The following SIRPB1 variants were observed in gnomAD, a reference collection of about 807,000 sequenced individuals.
SIRPB1 encodes the protein signal-regulatory protein beta-1.
In SIRPB1, 28 loss-of-function variants were observed where a neutral mutation model predicts 34.1. The ratio of observed to expected loss-of-function variants is 0.82; its 90% CI spans 0.61 to 1.12. SIRPB1 has a LOEUF of 1.12. Ranked by LOEUF, SIRPB1 falls within the 50% of genes most tolerant of loss-of-function variation. SIRPB1 has a pLI of 0.00. For missense variants in SIRPB1, 499 were observed against 507.0 expected, an observed-to-expected ratio of 0.98 and a Z score of 0.15; for synonymous variants, 211 against 203.8, an observed-to-expected ratio of 1.04 and a Z score of -0.30.
intron 1 of SIRPB1, among the ~76,000 whole-genome samples, chr20:1,617,567 T>C (rs2091648129): frequency 6.6e-6 from 1 of 152,214 alleles, no homozygotes; most frequent in South Asian, 2.1e-4. Flanking sequence ...GGTCAAAGGA[T>C]ACAAAATTTC....
Position 1,576,676 on chromosome 20 carries a change from G to A in SIRPB1, c.433+1662C>T, listed in dbSNP as rs1479750970. Among the ~76,000 whole-genome samples, 5 of 148,444 alleles carry A rather than the reference G, an allele frequency of 3.4e-5. 1 individual carries two copies. Among genetic ancestry groups the A allele is most frequent in the Non-Finnish European group, 7.5e-5 (5 of 66,256 alleles). ...AATCCCAGCAGTTTGGGAGGCTGAG[G>A]CGGGTGGATCACCTGAGTTTGGGAG... is the stretch of plus-strand genomic sequence containing the variant. On this transcript the variant is annotated intron_variant, in intron 2 of 5. Coordinates refer to ENST00000381605, the MANE Select transcript of SIRPB1 (RefSeq NM_006065.5).
chr20:1,618,236 G>A (rs748680261), intron 1 of SIRPB1, among the ~76,000 whole-genome samples: 2 of 152,174 alleles, frequency 1.3e-5, no homozygotes, highest in African/African-American at 4.8e-5. Flanking sequence ...TGTAACTCTG[G>A]TTGTTGCTAA....
At chr20:1,604,292 A>G (rs1423219628) in intron 1 of SIRPB1, 1 of 227,458 alleles carries the variant, frequency 4.4e-6, no homozygotes, top group Admixed American at 5.4e-5. Flanking sequence ...TGCTCTTTGC[A>G]TATGAATGAA....
chr20:1,570,972 T>C lies in SIRPB1; in HGVS notation c.917A>G (p.Asp306Gly), dbSNP rs775505406. 2.7e-5 allele frequency: 44 copies of C among 1,614,040 alleles called. No homozygotes were observed. The highest frequency in any genetic ancestry group is 3.4e-5 in the Non-Finnish European group (40 of 1,180,028). Residue 306 changes from aspartate (D) to glycine (G), a missense_variant, in exon 4 of 6, where the codon GAT becomes GGT. Coordinates refer to ENST00000381605, the MANE Select transcript of SIRPB1 (RefSeq NM_006065.5). ...CCAGCTCATCCAGTTGTAGGTGCCA[T>C]CCTTGTTCTCTATGAGGGTCGAAGC... ...ETASTLIENK[D>G]GTYNWMSWLL...
intron 1 of SIRPB1, among the ~76,000 whole-genome samples, chr20:1,578,945 C>CTTTCT (rs1419534272): frequency 1.4e-5 from 2 of 147,832 alleles, no homozygotes; most frequent in East Asian, 1.9e-4. Context: ...TTTCTGTTTG[C>CTTTCT]TTTCTTTTCT....
rs111414664 is a variant in SIRPB1, at chr20:1,563,286, G to A, written c.*2214C>T. Reference sequence around the variant, plus strand: ...AGACAGGTGGATCACCTGAGGTCGGGAGTTCAAGACTAGTCTGATCAACAT... The same window carrying A: ...AGACAGGTGGATCACCTGAGGTCGGAAGTTCAAGACTAGTCTGATCAACAT... On this transcript the variant is annotated 3_prime_UTR_variant, in exon 6 of 6. Coordinates refer to ENST00000381605, the MANE Select transcript of SIRPB1 (RefSeq NM_006065.5). Among the ~76,000 whole-genome samples, 1,454 of 152,232 alleles carry A rather than the reference G, an allele frequency of 9.6e-3. 27 individuals carry two copies. The highest frequency in any genetic ancestry group is 0.034 in the African/African-American group (1,417 of 41,506).
intron 2 of SIRPB1, among the ~76,000 whole-genome samples, chr20:1,572,826 A>G (rs1465896079): frequency 1.3e-5 from 2 of 151,974 alleles, no homozygotes; most frequent in African/African-American, 4.8e-5. Context: ...CACACCTGCT[A>G]AAGGTCAAGC....
At chr20:1,565,974 C>T (rs1301980609) in intron 5 of SIRPB1, among the ~76,000 whole-genome samples, 179 bp downstream of exon 5, 1 of 152,104 alleles carries the variant, frequency 6.6e-6, no homozygotes, top group Non-Finnish European at 1.5e-5. Context: ...CCTGCACACT[C>T]CCTGGGGGTT....
intron 4 of SIRPB1, 22 bp from the exon 5 acceptor site, chr20:1,566,289 G>A (rs2091133971): frequency 6.6e-7 from 1 of 1,518,356 alleles, no homozygotes; most frequent in East Asian, 2.3e-5. Flanking sequence ...GGAAGAGGAG[G>A]AGCCATGAGA....
At chr20:1,578,269 G>C in intron 2 of SIRPB1, 69 bp downstream of exon 2, 1 of 1,492,898 alleles carries the variant, frequency 6.7e-7, no homozygotes. Context: ...GTTGCTCCAA[G>C]AATGGATAAT....
intron 5 of SIRPB1, among the ~76,000 whole-genome samples, chr20:1,565,755 G>C (rs955817760): frequency 6.6e-6 from 1 of 150,978 alleles, no homozygotes; most frequent in South Asian, 2.1e-4. Context: ...AGCCCTCAGA[G>C]CAGCCTATCT....
chr20:1,587,512 T>G lies in SIRPB1; in HGVS notation c.77-8818A>C, dbSNP rs1292941251. 4.1e-5 allele frequency among the ~76,000 whole-genome samples: 2 copies of G among 48,248 alleles called. 1 individual carries two copies. Among genetic ancestry groups the G allele is most frequent in the Non-Finnish European group, 8.0e-5 (2 of 25,122 alleles). 31.7% of individuals were successfully genotyped at this position (48,248 alleles called of 152,430 possible). On this transcript the variant is annotated intron_variant, in intron 1 of 5. Coordinates refer to ENST00000381605, the MANE Select transcript of SIRPB1 (RefSeq NM_006065.5). ...CAAAGACTTTCCAACCTGCCCCTCC[T>G]GAGGAAGGGAAAATAAATTCTCCAT... is the stretch of plus-strand genomic sequence containing the variant.
In SIRPB1 at chr20:1,564,713, G is replaced by T. The variant is rs1395348795; in HGVS notation, c.*787C>A. 1 of 391,854 alleles carries T rather than the reference G, an allele frequency of 2.6e-6. No individual in the cohort carries two copies. The highest frequency in any genetic ancestry group is 4.5e-6 in the Non-Finnish European group (1 of 222,452). The allele number at this position is 391,854 out of a possible 1,614,324, so 24.3% of individuals were successfully genotyped here. ...CTGGTTGTTTAACTGTTGGCAGTGT[G>T]AAATTGGTCAGGTTGGGAGTTATTA... On this transcript the variant is annotated 3_prime_UTR_variant, in exon 6 of 6. Coordinates refer to ENST00000381605, the MANE Select transcript of SIRPB1 (RefSeq NM_006065.5).
chr20:1,568,783 T>A (rs1469474274), intron 4 of SIRPB1, among the ~76,000 whole-genome samples: 2 of 148,484 alleles, frequency 1.3e-5, no homozygotes, highest in Non-Finnish European at 3.0e-5. Context: ...TAGGGCAAAG[T>A]AAACCCAAAG....
intron 4 of SIRPB1, among the ~76,000 whole-genome samples, chr20:1,568,231 G>C (rs2091170281): frequency 6.6e-6 from 1 of 152,206 alleles, no homozygotes; most frequent in South Asian, 2.1e-4. Context: ...CTTGAAGAGA[G>C]AATGCCAAAC....
Position 1,570,805 on chromosome 20 carries a change from C to G in SIRPB1, c.1084G>C (p.Glu362Gln), listed in dbSNP as rs754058730. 6.2e-7 allele frequency: 1 copy of G among 1,604,666 alleles called. No individual in the cohort carries two copies. ...QKEHGSDITH[E>Q]AALAPTAPLL... ...ATTTAAAAATGGGAAGTAACCGCAC[C>G]ATGGGTGATATCTGAGCCGTGCTCC... The change falls in exon 4 of 6, where the codon GAA (glutamate) becomes CAA (glutamine). Residue 362 changes from glutamate (E) to glutamine (Q), a missense_variant and splice_region_variant. Coordinates refer to ENST00000381605, the MANE Select transcript of SIRPB1 (RefSeq NM_006065.5).
In SIRPB1 at chr20:1,588,310, G is replaced by A. The variant is rs1318973396; in HGVS notation, c.77-9616C>T. On this transcript the variant is annotated intron_variant, in intron 1 of 5. Transcript: ENST00000381605. ...AGGATTTAAATAGTGATTGTTCTGT[G>A]TTAGTCAAATGAAATAGATCAAAAT... 4.1e-5 allele frequency among the ~76,000 whole-genome samples: 2 copies of A among 49,284 alleles called. 1 individual carries two copies. Among genetic ancestry groups the A allele is most frequent in the Non-Finnish European group, 7.9e-5 (2 of 25,466 alleles). 32.3% of individuals were successfully genotyped at this position (49,284 alleles called of 152,430 possible).
rs545413218 is a variant in SIRPB1 at position 1,578,559 on chromosome 20, G to A, written c.212C>T (p.Ala71Val). The A allele has an allele frequency of 6.3e-7, 1 of 1,584,074 alleles. No individual in the cohort carries two copies. The highest frequency in any genetic ancestry group is 1.4e-5 in the African/African-American group (1 of 73,994). The change falls in exon 2 of 6, where the codon GCT becomes GTT. Residue 71 changes from alanine to valine, a missense_variant. By Grantham distance (64) the Ala-to-Val change is moderately conservative. Transcript: ENST00000381605. ...GTAGATTAATTCCCGGCCTGCTCCA[G>A]CTCCTCTAAACCACATGATGGGCCC... is the stretch of plus-strand genomic sequence containing the variant. ...PVGPIMWFRG[A>V]GAGRELIYNQ...
At chr20:1,566,653 A>C (rs1324603299) in intron 4 of SIRPB1, among the ~76,000 whole-genome samples, 1 of 152,190 alleles carries the variant, frequency 6.6e-6, no homozygotes, top group Non-Finnish European at 1.5e-5. Context: ...AGTAGGATCC[A>C]AACCTAGGGA....
Sources: gnomAD v4.1 joint callset for allele counts (sites outside exome capture counted in the v4.1 genomes callset) on GRCh38, gnomAD v4.1.1 for gene constraint, MANE v1.5 for transcripts, NCBI Gene and HGNC (gene_info 2026-07-23, HGNC 2026-07-21) for gene names.